RBPMS: variants seen among roughly 807,000 people sequenced by gnomAD.
RBPMS encodes the protein RNA binding protein, mRNA processing factor, also known as RNA-binding protein with multiple splicing.
In RBPMS, 7 loss-of-function variants were observed where a neutral mutation model predicts 26.8. That is an observed-to-expected ratio of 0.26 (90% CI 0.15 to 0.49). RBPMS has a LOEUF of 0.49. Ranked by LOEUF, RBPMS falls within the 20% of genes least tolerant of loss-of-function variation. The pLI is 0.98. For synonymous variants in RBPMS, 96 were observed against 93.3 expected (o/e 1.03, Z -0.17); for missense variants, 186 against 250.0 (o/e 0.74, Z 1.73).
chr8:30,523,086 T>G (rs1331425614), intron 5 of RBPMS, among the ~76,000 whole-genome samples: 1 of 152,132 alleles, frequency 6.6e-6, no homozygotes, highest in African/African-American at 2.4e-5. Context: ...TTTAAAATAA[T>G]GATGAATTAG....
intron 5 of RBPMS, among the ~76,000 whole-genome samples, chr8:30,516,057 TA>T (rs1171242906): frequency 6.6e-6 from 1 of 152,184 alleles, no homozygotes; most frequent in African/African-American, 2.4e-5. Flanking sequence ...AACCAAAGTT[TA>T]AAAACTTCTG....
At chr8:30,433,613 A>G (rs905385709) in intron 1 of RBPMS, among the ~76,000 whole-genome samples, 2 of 152,222 alleles carry the variant, frequency 1.3e-5, no homozygotes, top group African/African-American at 4.8e-5. Flanking sequence ...CAGAGGTTGC[A>G]GTGAGCTGTA....
chr8:30,563,624 G>A (rs1156967688), intron 7 of RBPMS, among the ~76,000 whole-genome samples: 1 of 152,204 alleles, frequency 6.6e-6, no homozygotes, highest in Non-Finnish European at 1.5e-5. Flanking sequence ...AAATGCAAGA[G>A]AGAACGTGAC....
intron 1 of RBPMS, among the ~76,000 whole-genome samples, chr8:30,414,946 G>T (rs1489082158): frequency 6.6e-6 from 1 of 151,738 alleles, no homozygotes; most frequent in Non-Finnish European, 1.5e-5. Flanking sequence ...GCTTGTAAAT[G>T]ATAGTGTTCC....
rs1828267604 is a variant in RBPMS at position 30,571,919 on chromosome 8, A to G, written c.*1394A>G. The stretch of plus-strand genomic sequence containing the variant: ...TTATGTTGAAAATTTCAATGTCATG[A>G]TTACCTGGTTGGTTTGGGTTTTTGT... On this transcript the variant is annotated 3_prime_UTR_variant, in exon 9 of 9. Transcript: ENST00000397323. The G allele has an allele frequency of 6.6e-6, 1 of 152,192 alleles. No homozygotes were observed. Among genetic ancestry groups the G allele is most frequent in the African/African-American group, 2.4e-5 (1 of 41,448 alleles). The allele number at this position is 152,192 out of a possible 1,614,324, so 9.4% of individuals were successfully genotyped here.
Position 30,544,629 on chromosome 8 carries a change from T to C in RBPMS, c.528+5T>C. 1.9e-6 allele frequency: 3 copies of C among 1,613,928 alleles called. No individual in the cohort carries two copies. Among genetic ancestry groups the C allele is most frequent in the Non-Finnish European group, 2.5e-6 (3 of 1,180,032 alleles). On this transcript the variant is annotated splice_donor_5th_base_variant and intron_variant, in intron 6 of 8. Transcript: ENST00000397323. ...CCCGCTTCACTGCATGCCCAGGTAA[T>C]TGATACCCATCGGCCAGGACTTCAC...
intron 1 of RBPMS, among the ~76,000 whole-genome samples, chr8:30,419,756 T>C (rs1266365391): frequency 6.6e-6 from 1 of 152,178 alleles, no homozygotes; most frequent in Non-Finnish European, 1.5e-5. Context: ...ATTTTTAAAA[T>C]ATGGAAATAT....
intron 1 of RBPMS, among the ~76,000 whole-genome samples, chr8:30,409,439 T>C (rs1809029525): frequency 6.6e-6 from 1 of 152,094 alleles, no homozygotes; most frequent in African/African-American, 2.4e-5. Flanking sequence ...GTGATCTGCC[T>C]GCCTCGGCCT....
chr8:30,458,275 G>A (rs1365142377), intron 1 of RBPMS, among the ~76,000 whole-genome samples: 1 of 152,088 alleles, frequency 6.6e-6, no homozygotes, highest in Non-Finnish European at 1.5e-5. Context: ...GATAGCAAGG[G>A]CCTACTGAAT....
chr8:30,544,581 T>C lies in RBPMS; in HGVS notation c.485T>C (p.Leu162Pro), dbSNP rs1437587459. The change falls in exon 6 of 9, where the codon CTA (leucine) becomes CCA (proline). Residue 162 changes from leucine (L) to proline (P), a missense_variant. Physicochemically the swap from Leu to Pro is moderately conservative, Grantham distance 98 (BLOSUM62 -3). Coordinates refer to ENST00000397323, the MANE Select transcript of RBPMS (RefSeq NM_001008710.3). ...TACCCAGCGGAGTTAGCGCCTGCTC[T>C]ACCTCCTCCTGCTTTCACCTATCCC... is the stretch of plus-strand genomic sequence containing the variant. The part of the protein sequence containing the change: ...PLYPAELAPA[L>P]PPPAFTYPAS... The C allele has an allele frequency of 6.2e-7, 1 of 1,614,224 alleles. No individual in the cohort carries two copies.
intron 6 of RBPMS, among the ~76,000 whole-genome samples, chr8:30,551,867 T>C (rs187683867): frequency 1.3e-5 from 2 of 152,292 alleles, no homozygotes; most frequent in Admixed American, 1.3e-4. Flanking sequence ...AGTTTCCTCA[T>C]CTATAAATGG....
chr8:30,492,271 A>G (rs1397733546), intron 4 of RBPMS, among the ~76,000 whole-genome samples: 1 of 152,350 alleles, frequency 6.6e-6, no homozygotes, highest in Non-Finnish European at 1.5e-5. Context: ...CTTTGAGTGC[A>G]TAAAGCACTT....
chr8:30,458,939 G>A (rs1313323898), intron 1 of RBPMS, among the ~76,000 whole-genome samples: 1 of 151,450 alleles, frequency 6.6e-6, no homozygotes, highest in African/African-American at 2.4e-5. Flanking sequence ...TTATAGGCAT[G>A]AGCCACCACA....
chr8:30,487,092 G>C (rs1166157279), intron 4 of RBPMS, among the ~76,000 whole-genome samples: 3 of 152,190 alleles, frequency 2.0e-5, no homozygotes, highest in Admixed American at 2.0e-4. Context: ...TTTTTTGCTA[G>C]ATCTTGTTTT....
At chr8:30,524,424 T>C (rs1418283168) in intron 5 of RBPMS, among the ~76,000 whole-genome samples, 4 of 152,164 alleles carry the variant, frequency 2.6e-5, no homozygotes, top group Non-Finnish European at 5.9e-5. Flanking sequence ...AGGTAACTGA[T>C]GCTTAAGGAG....
Position 30,532,366 on chromosome 8 carries a change from CA to C in RBPMS, c.398-12127del, listed in dbSNP as rs1324798713. Among the ~76,000 whole-genome samples the C allele has an allele frequency of 2.0e-5, 3 of 152,198 alleles. No homozygotes were observed. In the East Asian group the frequency reaches 5.8e-4, roughly 29 times the overall value. On this transcript the variant is annotated intron_variant, in intron 5 of 8. Coordinates refer to ENST00000397323, the MANE Select transcript of RBPMS (RefSeq NM_001008710.3). ...GCAGAGACAACATTATTTATACCCC[CA>C]GATTGTATTCCTTACCTTTTTTCCT... is the stretch of plus-strand genomic sequence containing the variant.
At chr8:30,488,987 G>T (rs945918513) in intron 4 of RBPMS, among the ~76,000 whole-genome samples, 1 of 152,104 alleles carries the variant, frequency 6.6e-6, no homozygotes, top group Non-Finnish European at 1.5e-5. Flanking sequence ...GCTGTTGATC[G>T]TGGCCACCTC....
chr8:30,542,205 G>T (rs1364572970), intron 5 of RBPMS, among the ~76,000 whole-genome samples: 1 of 152,184 alleles, frequency 6.6e-6, no homozygotes, highest in Admixed American at 6.5e-5. Flanking sequence ...CCTCTTTTCT[G>T]CTGGGCTGGG....
Position 30,540,922 on chromosome 8 carries a change from T to A in RBPMS, c.398-3572T>A, listed in dbSNP as rs79553404. Among the ~76,000 whole-genome samples, 1,071 of 152,152 alleles carry A rather than the reference T, an allele frequency of 7.0e-3. 12 individuals carry two copies. The highest frequency in any genetic ancestry group is 0.025 in the African/African-American group (1,018 of 41,510). On this transcript the variant is annotated intron_variant, in intron 5 of 8. Transcript: ENST00000397323. Reference sequence around the variant, plus strand: ...CAGGTCTGTGGCTTGGGCAGCTGAGTGGAAGGTAGCATCTTGCTGAAATCT... The same window carrying A: ...CAGGTCTGTGGCTTGGGCAGCTGAGAGGAAGGTAGCATCTTGCTGAAATCT...
Sources: allele counts gnomAD v4.1 joint callset (sites outside exome capture counted in the v4.1 genomes callset), GRCh38; gene constraint gnomAD v4.1.1; transcripts MANE v1.5; gene names NCBI Gene and HGNC (gene_info 2026-07-23, HGNC 2026-07-21).